CYSLTR1: variants seen among roughly 807,000 people sequenced by gnomAD.
CYSLTR1 encodes G-protein coupled receptor HG55.
Under a neutral mutation model 2.1 loss-of-function variants are expected in CYSLTR1, and 1 was observed. The observed-to-expected ratio is 0.48, with a 90% CI of 0.17 to 2.28. The LOEUF (loss-of-function observed/expected upper bound fraction) is 2.28. Ranked by LOEUF, CYSLTR1 falls within the 30% of genes most tolerant of loss-of-function variation. The pLI, the probability that CYSLTR1 is intolerant of heterozygous loss-of-function variation, is 0.26. For missense variants in CYSLTR1, 299 were observed against 250.1 expected, an observed-to-expected ratio of 1.20 and a Z score of -1.32; for synonymous variants, 110 against 89.6, an observed-to-expected ratio of 1.23 and a Z score of -1.28.
intron 1 of CYSLTR1, among the ~76,000 whole-genome samples, chrX:78,293,561 C>T (rs1256268485): frequency 9.0e-6 from 1 of 111,568 alleles, no homozygotes; most frequent in Non-Finnish European, 1.9e-5. Flanking sequence ...TGGATAATAC[C>T]CCGAAGAGTG....
chrX:78,319,112 AGTTTT>A (rs764091408), intron 1 of CYSLTR1: 26 of 110,119 alleles, frequency 2.4e-4, no homozygotes, highest in Non-Finnish European at 5.7e-5. Context: ...AAAGTTGTTT[AGTTTT>A]CTTTTTTTTA....
intron 1 of CYSLTR1, among the ~76,000 whole-genome samples, chrX:78,301,950 G>C (rs1270831645): frequency 8.9e-6 from 1 of 112,334 alleles, no homozygotes; most frequent in East Asian, 2.8e-4. Flanking sequence ...AGGCAAGAGA[G>C]AAAGCTTGTG....
chrX:78,310,446 G>T (rs2147270488), intron 1 of CYSLTR1, among the ~76,000 whole-genome samples: 1 of 111,659 alleles, frequency 9.0e-6, no homozygotes, highest in Non-Finnish European at 1.9e-5. Flanking sequence ...AAACTTTCTA[G>T]ATGCTCTGTA....
At chrX:78,291,198 C>G (rs1922308606) in intron 1 of CYSLTR1, among the ~76,000 whole-genome samples, 7 of 111,351 alleles carry the variant, frequency 6.3e-5, no homozygotes, top group Admixed American at 3.8e-4. Flanking sequence ...GGCCTTTTCT[C>G]CACCTATTGA....
chrX:78,322,265 A>G (rs887965562), intron 1 of CYSLTR1, among the ~76,000 whole-genome samples: 37 of 112,319 alleles, frequency 3.3e-4, no homozygotes, highest in African/African-American at 1.2e-3. Flanking sequence ...ACAATGCTGT[A>G]TTAATCTTTT....
intron 1 of CYSLTR1, among the ~76,000 whole-genome samples, chrX:78,306,861 G>T (rs1300470707): frequency 8.9e-6 from 1 of 112,088 alleles, no homozygotes; most frequent in Non-Finnish European, 1.9e-5. Flanking sequence ...GTGGTCATTG[G>T]TTTGAAATGT....
chrX:78,313,275 C>T (rs374078255), intron 1 of CYSLTR1, among the ~76,000 whole-genome samples: 1 of 111,421 alleles, frequency 9.0e-6, no homozygotes, highest in African/African-American at 3.3e-5. Flanking sequence ...TACATATAGA[C>T]ATAAATATTG....
Position 78,272,823 on chromosome X carries a change from T to G in CYSLTR1, c.924A>C (p.Thr308=). The stretch of plus-strand genomic sequence containing the variant: ...CGCTGGACAAAGAATGCTTTCTGAA[T>G]GTAGACAGCCTTTTCCTAAAGTTAC... ...SGGNFRKRLS[T]FRKHSLSSVT... is the part of the protein sequence containing the mutation. The change falls in exon 3 of 3, where the codon ACA becomes ACC. Residue 308 remains threonine (T), a synonymous_variant. Transcript: ENST00000373304. 1 of 1,211,315 alleles carries G rather than the reference T, an allele frequency of 8.3e-7. No homozygotes were observed. The highest frequency in any genetic ancestry group is 1.1e-6 in the Non-Finnish European group (1 of 895,332).
At chrX:78,285,382 A>C (rs1341859877) in intron 1 of CYSLTR1, among the ~76,000 whole-genome samples, 1 of 100,266 alleles carries the variant, frequency 1.0e-5, no homozygotes, top group Non-Finnish European at 2.0e-5. Flanking sequence ...AGATCGCGCC[A>C]CTTCACTCCA....
chrX:78,274,168 T>C (rs1921458716), intron 2 of CYSLTR1, among the ~76,000 whole-genome samples: 1 of 111,741 alleles, frequency 8.9e-6, no homozygotes, highest in Admixed American at 9.6e-5. Flanking sequence ...TCTATATTTA[T>C]ACCTATTTAT....
At chrX:78,274,963 C>A (rs1272427987) in intron 2 of CYSLTR1, among the ~76,000 whole-genome samples, 6 of 111,513 alleles carry the variant, frequency 5.4e-5, no homozygotes, top group African/African-American at 1.6e-4. Flanking sequence ...ATGCAGCCAA[C>A]AGACACATGA....
Position 78,295,601 on chromosome X carries a change from T to A in CYSLTR1, c.-114-12061A>T, listed in dbSNP as rs185827969. Among the ~76,000 whole-genome samples, 3 of 111,814 alleles carry A rather than the reference T, an allele frequency of 2.7e-5. No individual in the cohort carries two copies. The East Asian group carries it at 8.4e-4, about 31-fold the overall frequency. ...ATAAACAATTTTGACTTGGGTGAGA[T>A]GATACCTCATTGCAGTTTTGATTTG... is the stretch of plus-strand genomic sequence containing the variant. On this transcript the variant is annotated intron_variant, in intron 1 of 2. Transcript: ENST00000373304.
chrX:78,272,881 C>G lies in CYSLTR1; in HGVS notation c.866G>C (p.Cys289Ser). Residue 289 changes from cysteine (C) to serine (S), a missense_variant, in exon 3 of 3, where the codon TGC becomes TCC. Transcript: ENST00000373304. ...ITLSLAASNC[C>S]FDPLLYFFSG... ...AAAGAAATATAGGAGAGGGTCAAAG[C>G]AACAATTGGATGCAGCCAGAGACAA... 1 of 1,211,258 alleles carries G rather than the reference C, an allele frequency of 8.3e-7. No individual in the cohort carries two copies.
intron 1 of CYSLTR1, among the ~76,000 whole-genome samples, chrX:78,316,259 C>A (rs1923414463): frequency 8.9e-6 from 1 of 112,142 alleles, no homozygotes; most frequent in Admixed American, 9.4e-5. Context: ...GGGGAACGCA[C>A]CCAGTGGAAT....
chrX:78,295,428 C>G (rs899136815), intron 1 of CYSLTR1, among the ~76,000 whole-genome samples: 1 of 103,655 alleles, frequency 9.6e-6, no homozygotes, highest in African/African-American at 3.6e-5. Context: ...AGTGCCAGAT[C>G]ATATGGGAAT....
chrX:78,318,778 G>C (rs913390799), intron 1 of CYSLTR1: 1 of 111,153 alleles, frequency 9.0e-6, no homozygotes, highest in Non-Finnish European at 1.9e-5. Context: ...CTTCCAGTAA[G>C]TCAGGCATAG....
At position 78,294,964 on chromosome X, in the gene CYSLTR1, C is replaced by T. The variant is rs924940447; in HGVS notation, c.-114-11424G>A. ...GGTGAGGTGACAACCCGCCCCACTT[C>T]GGCTTGCCCTCCATGGGCTGCACCC... On this transcript the variant is annotated intron_variant, in intron 1 of 2. Coordinates refer to ENST00000373304, the MANE Select transcript of CYSLTR1 (RefSeq NM_006639.4). Among the ~76,000 whole-genome samples, 13 of 112,555 alleles carry T rather than the reference C, an allele frequency of 1.2e-4. No individual in the cohort carries two copies. The South Asian group carries it at 1.8e-3, about 16-fold the overall frequency.
intron 2 of CYSLTR1, among the ~76,000 whole-genome samples, chrX:78,279,332 C>A (rs1379135827): frequency 9.0e-6 from 1 of 111,719 alleles, no homozygotes; most frequent in East Asian, 2.8e-4. Flanking sequence ...ATAGATGCAG[C>A]CAACAAACAT....
At chrX:78,277,773 C>T (rs1243817431) in intron 2 of CYSLTR1, among the ~76,000 whole-genome samples, 3 of 111,820 alleles carry the variant, frequency 2.7e-5, no homozygotes, top group African/African-American at 9.8e-5. Flanking sequence ...AAGCCATATG[C>T]AAAGAACAGC....
Sources: allele counts gnomAD v4.1 joint callset (sites outside exome capture counted in the v4.1 genomes callset), GRCh38; gene constraint gnomAD v4.1.1; transcripts MANE v1.5; gene names NCBI Gene and HGNC (gene_info 2026-07-23, HGNC 2026-07-21).